Variants in COLEC11 observed in about 807,000 individuals in gnomAD.
The protein encoded by COLEC11 is collectin subfamily member 11, also known as collectin-11.
Under a neutral mutation model 27.3 loss-of-function variants are expected in COLEC11, and 20 were observed. The observed-to-expected ratio is 0.73, with a 90% confidence interval of 0.51 to 1.06. The LOEUF (loss-of-function observed/expected upper bound fraction) is 1.06. Among genes scored for constraint, COLEC11 ranks in the 50% least tolerant of loss-of-function variants. The probability of loss-of-function intolerance (pLI) is 0.00; values close to 1 mark genes in which losing one functional copy is unlikely to be tolerated. For missense variants in COLEC11, 310 were observed against 383.0 expected, an observed-to-expected ratio of 0.81 and a Z score of 1.59; for synonymous variants, 163 against 154.7, an observed-to-expected ratio of 1.05 and a Z score of -0.40.
Position 3,644,213 on chromosome 2 carries a change from C to G in COLEC11, c.*95C>G. 1.3e-6 allele frequency: 2 copies of G among 1,516,138 alleles called. No individual in the cohort carries two copies. Among genetic ancestry groups the G allele is most frequent in the South Asian group, 2.3e-5 (2 of 88,468 alleles). The allele number at this position is 1,516,138 out of a possible 1,614,324, so 93.9% of individuals were successfully genotyped here. On this transcript the variant is annotated 3_prime_UTR_variant, in exon 7 of 7. Coordinates refer to ENST00000349077, the MANE Select transcript of COLEC11 (RefSeq NM_024027.5). ...CCATGGTGCCAGCCAGGGAGCTGTCCCTCTGTGAAGGGTGGAGGCTCACTG... is the reference window on the plus strand; with the variant it reads ...CCATGGTGCCAGCCAGGGAGCTGTCGCTCTGTGAAGGGTGGAGGCTCACTG...
chr2:3,604,621 G>C (rs1019563008), intron 2 of COLEC11, 151 bp downstream of exon 2: 34 of 891,332 alleles, frequency 3.8e-5, no homozygotes, highest in Middle Eastern at 2.3e-4. Context: ...TGGAAATCAA[G>C]GGTTGGGTGA....
At chr2:3,620,661 C>A (rs1223842481) in intron 3 of COLEC11, among the ~76,000 whole-genome samples, 1 of 151,990 alleles carries the variant, frequency 6.6e-6, no homozygotes, top group African/African-American at 2.4e-5. Context: ...TCTTTATTTT[C>A]CCTCCATGTA....
chr2:3,617,888 A>G (rs1663894149), intron 3 of COLEC11: 1 of 534,064 alleles, frequency 1.9e-6, no homozygotes, highest in Admixed American at 3.3e-5. Context: ...AGCCATCCTA[A>G]CAGGTGTGAG....
chr2:3,616,768 G>C (rs1663780636), intron 3 of COLEC11, among the ~76,000 whole-genome samples: 1 of 145,808 alleles, frequency 6.9e-6, no homozygotes, highest in South Asian at 2.1e-4. Flanking sequence ...GGGAGAGGGA[G>C]ACCGTGGGGA....
At chr2:3,641,411 T>G in intron 5 of COLEC11, 1 of 1,293,754 alleles carries the variant, frequency 7.7e-7, no homozygotes, top group Non-Finnish European at 1.0e-6. Context: ...ACAAAGCCTC[T>G]GGGAGACAGA....
chr2:3,626,208 T>G, intron 3 of COLEC11: 1 of 900,956 alleles, frequency 1.1e-6, no homozygotes, highest in Non-Finnish European at 1.9e-6. Flanking sequence ...AGAAGCCCCA[T>G]TTCTAGATGG....
At chr2:3,614,281 C>G (rs12614035) in intron 3 of COLEC11, among the ~76,000 whole-genome samples, 1 of 152,078 alleles carries the variant, frequency 6.6e-6, no homozygotes, top group Non-Finnish European at 1.5e-5. Context: ...ACACATCATT[C>G]TATGAGAACA....
rs568462599 is a variant in COLEC11 at position 3,637,392 on chromosome 2, G to T, written c.203-141G>T. The T allele has an allele frequency of 6.0e-4, 434 of 726,838 alleles. 9 individuals are homozygous for T. The South Asian group carries it at 6.3e-3, about 11-fold the overall frequency. The allele number at this position is 726,838 out of a possible 1,614,324, so 45.0% of individuals were successfully genotyped here. On this transcript the variant is annotated intron_variant, in intron 3 of 6. Coordinates refer to ENST00000349077, the MANE Select transcript of COLEC11 (RefSeq NM_024027.5). ...GTCACATACGTGACCTTGAAGAGAT[G>T]TAGAGCTGTCTTTCTTAGTCTCTTC...
At chr2:3,601,680 A>G (rs1214299870) in intron 1 of COLEC11, among the ~76,000 whole-genome samples, 1 of 152,156 alleles carries the variant, frequency 6.6e-6, no homozygotes, top group Non-Finnish European at 1.5e-5. Context: ...AGGTTTTCAC[A>G]GAGGTAGGAT....
At chr2:3,625,757 T>A (rs1664508487) in intron 3 of COLEC11, among the ~76,000 whole-genome samples, 1 of 148,972 alleles carries the variant, frequency 6.7e-6, no homozygotes. Flanking sequence ...CTCAGCCTCC[T>A]GAGTATCTGG....
At position 3,643,434 on chromosome 2, in the gene COLEC11, G is replaced by A. The variant is rs1309000943; in HGVS notation, c.329-10G>A. On this transcript the variant is annotated splice_polypyrimidine_tract_variant and intron_variant, in intron 5 of 6. Coordinates refer to ENST00000349077, the MANE Select transcript of COLEC11 (RefSeq NM_024027.5). ...CCAGCGTTTGTAACGCGTGGGCCTG[G>A]CCCCCGCAGGCCTCCCATGTGAGTG... 6.2e-7 allele frequency: 1 copy of A among 1,610,862 alleles called. No homozygotes were observed. Among genetic ancestry groups the A allele is most frequent in the Non-Finnish European group, 8.5e-7 (1 of 1,177,610 alleles).
At chr2:3,628,999 G>A (rs1354085643) in intron 3 of COLEC11, among the ~76,000 whole-genome samples, 4 of 152,154 alleles carry the variant, frequency 2.6e-5, no homozygotes, top group East Asian at 3.9e-4. Flanking sequence ...TCCTGTTGTC[G>A]CACGCAGCCA....
intron 3 of COLEC11, among the ~76,000 whole-genome samples, chr2:3,624,318 T>G (rs1664377550): frequency 6.6e-6 from 1 of 152,130 alleles, no homozygotes; most frequent in Non-Finnish European, 1.5e-5. Flanking sequence ...GTGGTCCAGT[T>G]GGGATGGTTC....
intron 1 of COLEC11, among the ~76,000 whole-genome samples, chr2:3,596,427 C>G (rs1348878337): frequency 1.3e-5 from 2 of 150,420 alleles, no homozygotes; most frequent in African/African-American, 2.5e-5. Flanking sequence ...ACCTCCGCCT[C>G]CCAGGTTCAA....
Position 3,640,291 on chromosome 2 carries a change from T to C in COLEC11, c.288T>C (p.Asp96=), listed in dbSNP as rs746121187. The change falls in exon 5 of 7, where the codon GAT becomes GAC. Residue 96 remains aspartate (D), a synonymous_variant. Coordinates refer to ENST00000349077, the MANE Select transcript of COLEC11 (RefSeq NM_024027.5). ...TTTTATTTTCAGGTGAGAAAGGAGA[T>C]TCCGGTGACATAGGACCCCCTGGTC... ...GPIGSKGEKG[D]SGDIGPPGPN... 25 of 1,601,440 alleles carry C rather than the reference T, an allele frequency of 1.6e-5. 1 individual carries two copies. The South Asian group carries it at 2.8e-4, about 18-fold the overall frequency.
In COLEC11 at chr2:3,628,220, C is replaced by G. The variant is rs568475283; in HGVS notation, c.203-9313C>G. On this transcript the variant is annotated intron_variant, in intron 3 of 6. Transcript: ENST00000349077. ...TCCCAGTCTATGGCCAAGGGCCCCC[C>G]ATCTGTGTCATCCTCCCTTCCCCAG... Among the ~76,000 whole-genome samples, 6 of 141,808 alleles carry G rather than the reference C, an allele frequency of 4.2e-5. No homozygotes were observed. In the East Asian group the frequency reaches 1.3e-3, roughly 30 times the overall value. The allele number at this position is 141,808 out of a possible 152,430, so 93.0% of individuals were successfully genotyped here.
chr2:3,596,954 C>T (rs1052442774), intron 1 of COLEC11, among the ~76,000 whole-genome samples: 4 of 152,242 alleles, frequency 2.6e-5, no homozygotes, highest in Admixed American at 6.5e-5. Context: ...GAGAGCGCCC[C>T]GCTGCAGGGC....
chr2:3,599,173 G>T (rs1218512655), intron 1 of COLEC11, among the ~76,000 whole-genome samples: 1 of 152,154 alleles, frequency 6.6e-6, no homozygotes, highest in Non-Finnish European at 1.5e-5. Flanking sequence ...CATCTGTGAC[G>T]AGTGCGTGAT....
chr2:3,641,539 C>A, intron 5 of COLEC11: 1 of 701,916 alleles, frequency 1.4e-6, no homozygotes, highest in Non-Finnish European at 2.0e-6. Flanking sequence ...GAAAGGAATC[C>A]ATCCACTTCC....
Sources: allele counts gnomAD v4.1 joint callset (sites outside exome capture counted in the v4.1 genomes callset), GRCh38; gene constraint gnomAD v4.1.1; transcripts MANE v1.5; gene names NCBI Gene and HGNC (gene_info 2026-07-23, HGNC 2026-07-21).